KATNIP: variants seen among roughly 807,000 people sequenced by gnomAD.
KATNIP encodes the protein katanin interacting protein.
In KATNIP, 126 loss-of-function variants were observed where a neutral mutation model predicts 174.0. The ratio of observed to expected loss-of-function variants is 0.72; its 90% CI spans 0.63 to 0.84. The LOEUF is 0.84. Among genes scored for constraint, KATNIP ranks in the 40% least tolerant of loss-of-function variants. The pLI is 0.00. For synonymous variants in KATNIP, 810 were observed against 835.7 expected, an observed-to-expected ratio of 0.97 and a Z score of 0.53; for missense variants, 1,958 against 2,109.7, an observed-to-expected ratio of 0.93 and a Z score of 1.41.
chr16:27,759,638 TG>T (rs1177742788), intron 18 of KATNIP, among the ~76,000 whole-genome samples: 1 of 152,138 alleles, frequency 6.6e-6, no homozygotes, highest in African/African-American at 2.4e-5. Flanking sequence ...CGTCTGGCAG[TG>T]GGGAGGCTGC....
chr16:27,598,885 G>T (rs1451207410), intron 2 of KATNIP, among the ~76,000 whole-genome samples: 1 of 152,154 alleles, frequency 6.6e-6, no homozygotes, highest in Non-Finnish European at 1.5e-5. Flanking sequence ...ACAGATCCTG[G>T]GTAGAAACAG....
At position 27,698,353 on chromosome 16, in the gene KATNIP, CCT is replaced by C; in HGVS notation, c.967_968del (p.Leu323ValfsTer11). 1 of 1,612,156 alleles carries C rather than the reference CCT, an allele frequency of 6.2e-7. No homozygotes were observed. The highest frequency in any genetic ancestry group is 8.5e-7 in the Non-Finnish European group (1 of 1,178,950). ...GACCTGGAAGCCGGCGAGAGAGACCCCTGTCTGCAACCCGCAAAACTCTTTGC... is the reference window on the plus strand; with the variant it reads ...GACCTGGAAGCCGGCGAGAGAGACCCGTCTGCAACCCGCAAAACTCTTTGC... ...SRPGSRRERP[L>X]SATRKTLCEA... On this transcript the variant is annotated frameshift_variant, in exon 9 of 28. Coordinates refer to ENST00000261588, the MANE Select transcript of KATNIP (RefSeq NM_015202.5). LOFTEE classifies it high-confidence loss of function.
At chr16:27,759,742 G>A (rs1016856671) in intron 18 of KATNIP, among the ~76,000 whole-genome samples, 6 of 152,168 alleles carry the variant, frequency 3.9e-5, no homozygotes, top group Non-Finnish European at 8.8e-5. Context: ...GCCTCACGTG[G>A]GCTTCTGTCC....
intron 2 of KATNIP, among the ~76,000 whole-genome samples, chr16:27,615,212 T>G (rs1299285237): frequency 6.6e-6 from 1 of 151,666 alleles, no homozygotes; most frequent in Non-Finnish European, 1.5e-5. Context: ...CACTGTAACC[T>G]TGAACTCCTA....
In KATNIP at chr16:27,637,551, C is replaced by T. The variant is rs989239937; in HGVS notation, c.408+6389C>T. Among the ~76,000 whole-genome samples the T allele has an allele frequency of 6.6e-6, 1 of 152,156 alleles. No homozygotes were observed. The highest frequency in any genetic ancestry group is 2.4e-5 in the African/African-American group (1 of 41,440). ...AGCACAGCCTCCCAAGGGGCCGCATCGCAGCCAGGGCCTGAGAGTTACCTG... is the reference window on the plus strand; with the variant it reads ...AGCACAGCCTCCCAAGGGGCCGCATTGCAGCCAGGGCCTGAGAGTTACCTG... On this transcript the variant is annotated intron_variant, in intron 5 of 27. Transcript: ENST00000261588. This position sits in a 1 kb window ranked among gnomAD's most constrained non-coding sequence, Gnocchi z 4.7.
intron 13 of KATNIP, among the ~76,000 whole-genome samples, 172 bp from the exon 14 acceptor site, chr16:27,721,386 C>A (rs541758802): frequency 1.3e-5 from 2 of 152,242 alleles, no homozygotes; most frequent in South Asian, 2.1e-4. Context: ...GCCGTCCAGA[C>A]GGGGTGATCT....
At chr16:27,703,841 C>G (rs2079194416) in intron 11 of KATNIP, 55 bp from the exon 12 acceptor site, 2 of 1,312,680 alleles carry the variant, frequency 1.5e-6, no homozygotes, top group South Asian at 2.4e-5. Flanking sequence ...TTGGAATGTT[C>G]TCTTTTGTGT....
In KATNIP at chr16:27,628,741, A is replaced by G; in HGVS notation, c.221A>G (p.Asn74Ser). ...HLEQGFSVYV[N>S]GANSELKSSP... ...GAGCAAGGTTTCTCTGTCTATGTCAACGGTGCCAATTCGGAGCTGAAATCA... is the reference window on the plus strand; with the variant it reads ...GAGCAAGGTTTCTCTGTCTATGTCAGCGGTGCCAATTCGGAGCTGAAATCA... Residue 74 changes from asparagine to serine, a missense_variant, in exon 4 of 28, where the codon AAC (asparagine) becomes AGC (serine). Asn to Ser is a conservative substitution (Grantham distance 46). Coordinates refer to ENST00000261588, the MANE Select transcript of KATNIP (RefSeq NM_015202.5). The G allele has an allele frequency of 6.2e-7, 1 of 1,614,106 alleles. No individual in the cohort carries two copies. Among genetic ancestry groups the G allele is most frequent in the East Asian group, 2.2e-5 (1 of 44,900 alleles).
chr16:27,718,776 G>A (rs1162035480), intron 13 of KATNIP: 3 of 135,486 alleles, frequency 2.2e-5, no homozygotes, highest in Admixed American at 2.1e-4. Flanking sequence ...AGAAGTTCTT[G>A]TAGAGCTGGA....
chr16:27,648,370 A>G (rs2142332905), intron 5 of KATNIP, among the ~76,000 whole-genome samples: 1 of 152,238 alleles, frequency 6.6e-6, no homozygotes, highest in Middle Eastern at 3.4e-3. Context: ...TTGGACAGCA[A>G]GAAACAGTAG....
rs938302467 is a variant in KATNIP, at chr16:27,666,368, T to C, written c.541-11361T>C. Among the ~76,000 whole-genome samples, 3 of 152,102 alleles carry C rather than the reference T, an allele frequency of 2.0e-5. No individual in the cohort carries two copies. In the South Asian group the frequency reaches 6.2e-4, roughly 32 times the overall value. On this transcript the variant is annotated intron_variant, in intron 6 of 27. Transcript: ENST00000261588. ...TCAAATTTTCCTAGCCTTAGTTCTA[T>C]CAAAATTGATGTAGGGGAATGAGTT...
intron 6 of KATNIP, among the ~76,000 whole-genome samples, chr16:27,667,212 C>A (rs1476350491): frequency 6.6e-6 from 1 of 151,682 alleles, no homozygotes; most frequent in Non-Finnish European, 1.5e-5. Context: ...TCCCAGCTAA[C>A]CAAAAAGTCG....
At chr16:27,672,249 C>A (rs1310464760) in intron 6 of KATNIP, among the ~76,000 whole-genome samples, 2 of 152,112 alleles carry the variant, frequency 1.3e-5, no homozygotes, top group Admixed American at 6.6e-5. Context: ...TGCCTCCTGG[C>A]CTTTGTCTCT....
At chr16:27,623,680 C>G (rs1337953543) in intron 3 of KATNIP, among the ~76,000 whole-genome samples, 1 of 152,100 alleles carries the variant, frequency 6.6e-6, no homozygotes, top group Non-Finnish European at 1.5e-5. Flanking sequence ...GCCTTCTCCC[C>G]AAATTGACAT....
chr16:27,557,191 G>T (rs1045523249), intron 1 of KATNIP, among the ~76,000 whole-genome samples: 20 of 151,464 alleles, frequency 1.3e-4, no homozygotes, highest in Non-Finnish European at 2.1e-4. Context: ...GCCCAGGCTG[G>T]AGTACAGTGG....
intron 2 of KATNIP, among the ~76,000 whole-genome samples, chr16:27,605,413 A>G (rs891918019): frequency 1.3e-5 from 2 of 152,236 alleles, no homozygotes; most frequent in African/African-American, 4.8e-5. Flanking sequence ...ATAAAAATAC[A>G]CCGTAACTGT....
At chr16:27,745,492 G>A (rs2081258385) in intron 15 of KATNIP, among the ~76,000 whole-genome samples, 1 of 152,226 alleles carries the variant, frequency 6.6e-6, no homozygotes, top group South Asian at 2.1e-4. Context: ...AAGTCTCAGG[G>A]GAGAAGCCAA....
chr16:27,581,413 T>C (rs1208014701), intron 2 of KATNIP, among the ~76,000 whole-genome samples: 6 of 152,204 alleles, frequency 3.9e-5, no homozygotes, highest in Admixed American at 6.5e-5. Context: ...CTATTTTTTT[T>C]CCCCCAGGTT....
intron 27 of KATNIP, 73 bp from the exon 28 acceptor site, chr16:27,778,501 C>G: frequency 6.8e-7 from 1 of 1,481,242 alleles, no homozygotes; most frequent in Non-Finnish European, 9.3e-7. Flanking sequence ...CTGGATTTCA[C>G]TGGGGAGTGT....
Sources: allele counts gnomAD v4.1 joint callset (sites outside exome capture counted in the v4.1 genomes callset), GRCh38; gene constraint gnomAD v4.1.1; non-coding constraint Gnocchi (gnomAD v3.1); transcripts MANE v1.5; gene names NCBI Gene and HGNC (gene_info 2026-07-23, HGNC 2026-07-21).